The following EPC2 variants were observed in gnomAD, a reference collection of about 807,000 sequenced individuals.
The protein encoded by EPC2 is enhancer of polycomb 2.
EPC2 carries 14 observed loss-of-function variants against 92.1 expected under a neutral mutation model. The ratio of observed to expected loss-of-function variants is 0.15; its 90% CI spans 0.10 to 0.24. The LOEUF (loss-of-function observed/expected upper bound fraction) is 0.24. Ranked by LOEUF, EPC2 falls within the 10% of genes least tolerant of loss-of-function variation. The probability of loss-of-function intolerance (pLI) is 1.00; values close to 1 mark genes in which losing one functional copy is unlikely to be tolerated. For synonymous variants in EPC2, 340 were observed against 334.7 expected, an observed-to-expected ratio of 1.02 and a Z score of -0.17; for missense variants, 755 against 971.5, an observed-to-expected ratio of 0.78 and a Z score of 2.96.
intron 3 of EPC2, among the ~76,000 whole-genome samples, chr2:148,748,824 T>A (rs938062781): frequency 9.9e-5 from 15 of 152,152 alleles, no homozygotes; most frequent in Admixed American, 9.8e-4. Flanking sequence ...AAAAAAAAAT[T>A]GATTTTGGAG....
intron 1 of EPC2, among the ~76,000 whole-genome samples, chr2:148,669,712 T>G (rs1452746242): frequency 2.6e-5 from 4 of 152,188 alleles, no homozygotes; most frequent in African/African-American, 9.6e-5. Flanking sequence ...CCTCAAAATT[T>G]GTAAAGTTAC....
At chr2:148,691,175 T>G (rs1164138945) in intron 2 of EPC2, among the ~76,000 whole-genome samples, 2 of 152,218 alleles carry the variant, frequency 1.3e-5, no homozygotes, top group Non-Finnish European at 2.9e-5. Flanking sequence ...TCCTGTTATA[T>G]TTACTGTCCT....
intron 13 of EPC2, among the ~76,000 whole-genome samples, chr2:148,785,298 A>G (rs79248940): frequency 0.026 from 3,986 of 152,156 alleles, 60 homozygotes; most frequent in East Asian, 0.032. Context: ...ATCAGAGTCT[A>G]TGTTAGAAGC....
intron 1 of EPC2, among the ~76,000 whole-genome samples, chr2:148,660,096 C>T (rs1680902190): frequency 6.6e-6 from 1 of 152,094 alleles, no homozygotes. Flanking sequence ...ATTTCCACAT[C>T]TCTGAGATAT....
chr2:148,783,973 C>A (rs574878538), intron 12 of EPC2, among the ~76,000 whole-genome samples: 1 of 152,198 alleles, frequency 6.6e-6, no homozygotes, highest in Admixed American at 6.5e-5. Flanking sequence ...GAATACATAC[C>A]TGTGTAACAT....
intron 2 of EPC2, among the ~76,000 whole-genome samples, chr2:148,728,514 T>G (rs887456203): frequency 7.2e-5 from 11 of 151,974 alleles, no homozygotes; most frequent in Non-Finnish European, 1.6e-4. Flanking sequence ...AGGCCTAGAC[T>G]TGAGGCCAGA....
chr2:148,678,164 A>G lies in EPC2; in HGVS notation c.154-12050A>G, dbSNP rs556702872. Among the ~76,000 whole-genome samples, 35 of 152,138 alleles carry G rather than the reference A, an allele frequency of 2.3e-4. No individual in the cohort carries two copies. In the South Asian group the frequency reaches 7.3e-3, roughly 32 times the overall value. ...CCACGGTCCCCACCAGAGTAGCTAG[A>G]TACAGAGTGTTGATTGGTGCATTCA... On this transcript the variant is annotated intron_variant, in intron 1 of 13. Transcript: ENST00000258484.
At chr2:148,692,919 T>C (rs1681671828) in intron 2 of EPC2, 1 of 152,208 alleles carries the variant, frequency 6.6e-6, no homozygotes, top group Admixed American at 6.5e-5. Context: ...TTTTTTCTTT[T>C]AGCTTGTCAG....
At chr2:148,723,087 C>T (rs1461175127) in intron 2 of EPC2, among the ~76,000 whole-genome samples, 1 of 152,082 alleles carries the variant, frequency 6.6e-6, no homozygotes, top group East Asian at 1.9e-4. Flanking sequence ...TGTTTATTAC[C>T]TGGGGGATAA....
At chr2:148,739,138 G>C (rs116539087) in intron 2 of EPC2, among the ~76,000 whole-genome samples, 3,925 of 152,304 alleles carry the variant, frequency 0.026, 55 homozygotes, top group East Asian at 0.031. Context: ...AAAAGAAGCT[G>C]AAAGTGTGCT....
chr2:148,670,587 C>T (rs932769610), intron 1 of EPC2, among the ~76,000 whole-genome samples: 1 of 151,766 alleles, frequency 6.6e-6, no homozygotes, highest in African/African-American at 2.4e-5. Flanking sequence ...CTTCCAAATC[C>T]CTGTTGATTT....
At chr2:148,730,800 T>C (rs1176682693) in intron 2 of EPC2, among the ~76,000 whole-genome samples, 1 of 152,206 alleles carries the variant, frequency 6.6e-6, no homozygotes, top group Non-Finnish European at 1.5e-5. Flanking sequence ...TTTTAGTATA[T>C]ACTAGGATCC....
chr2:148,739,158 T>C (rs1682825691), intron 2 of EPC2, among the ~76,000 whole-genome samples: 1 of 152,214 alleles, frequency 6.6e-6, no homozygotes, highest in Non-Finnish European at 1.5e-5. Flanking sequence ...TTTCTAAACT[T>C]TTCCCTCCTG....
At chr2:148,758,464 C>A (rs541922242) in intron 4 of EPC2, among the ~76,000 whole-genome samples, 3 of 152,082 alleles carry the variant, frequency 2.0e-5, no homozygotes, top group African/African-American at 7.2e-5. Context: ...GGTGCAATCT[C>A]GCCCCAGTGC....
chr2:148,739,809 TCTTC>T (rs1221442959), intron 2 of EPC2, among the ~76,000 whole-genome samples: 1 of 149,472 alleles, frequency 6.7e-6, no homozygotes, highest in East Asian at 2.0e-4. Context: ...TTCTTTTCTT[TCTTC>T]CTTTTCTTTT....
chr2:148,696,939 T>A (rs1558812440), intron 2 of EPC2, among the ~76,000 whole-genome samples: 1 of 152,244 alleles, frequency 6.6e-6, no homozygotes, highest in East Asian at 1.9e-4. Context: ...TAAAGAAGTC[T>A]AAACTTTTCC....
intron 1 of EPC2, among the ~76,000 whole-genome samples, chr2:148,654,972 C>G (rs1039109045): frequency 2.0e-5 from 3 of 152,016 alleles, no homozygotes; most frequent in Non-Finnish European, 2.9e-5. Flanking sequence ...GTGTTGTACA[C>G]TAGAGAAGTG....
At chr2:148,778,910 A>G (rs1021874757) in intron 10 of EPC2, among the ~76,000 whole-genome samples, 5 of 152,228 alleles carry the variant, frequency 3.3e-5, no homozygotes, top group Admixed American at 1.3e-4. Context: ...GCATATACAT[A>G]TAGAATTAAA....
chr2:148,680,461 T>C (rs1681372084), intron 1 of EPC2, among the ~76,000 whole-genome samples: 1 of 152,238 alleles, frequency 6.6e-6, no homozygotes, highest in African/African-American at 2.4e-5. Flanking sequence ...TAATTTTTAA[T>C]TCATGCATTG....
Sources: gnomAD v4.1 joint callset for allele counts (sites outside exome capture counted in the v4.1 genomes callset) on GRCh38, gnomAD v4.1.1 for gene constraint, MANE v1.5 for transcripts, NCBI Gene and HGNC (gene_info 2026-07-23, HGNC 2026-07-21) for gene names.